The following TM9SF2 variants were observed in gnomAD, a reference collection of about 807,000 sequenced individuals.
TM9SF2 encodes 76 kDa membrane protein.
In TM9SF2, 13 loss-of-function variants were observed where a neutral mutation model predicts 84.9. The ratio of observed to expected loss-of-function variants is 0.15; its 90% confidence interval spans 0.10 to 0.24. TM9SF2 has a LOEUF of 0.24. Ranked by LOEUF, TM9SF2 falls within the 10% of genes least tolerant of loss-of-function variation. TM9SF2 has a pLI of 1.00. For missense variants in TM9SF2, 562 were observed against 818.5 expected, an observed-to-expected ratio of 0.69 and a Z score of 3.82; for synonymous variants, 273 against 285.8, an observed-to-expected ratio of 0.96 and a Z score of 0.45.
chr13:99,541,714 T>C (rs1225552552), intron 9 of TM9SF2, 47 bp downstream of exon 9: 1 of 1,279,068 alleles, frequency 7.8e-7, no homozygotes, highest in South Asian at 1.4e-5. Context: ...ACACTGTTTA[T>C]TGTTATTTTG....
Position 99,501,666 on chromosome 13 carries a change from G to T in TM9SF2, c.60G>T (p.Ser20=), listed in dbSNP as rs202124159. ...PPRWPRLLLL[S]LLLLGAVPGP... ...GGTGGCCGCGGCTGTTGCTGCTGTCGCTGCTCCTGCTGGGGGCGGTTCCTG... is the reference window on the plus strand; with the variant it reads ...GGTGGCCGCGGCTGTTGCTGCTGTCTCTGCTCCTGCTGGGGGCGGTTCCTG... The change falls in exon 1 of 17, where the codon TCG becomes TCT. Residue 20 remains serine, a synonymous_variant. Transcript: ENST00000376387. 4.3e-6 allele frequency: 7 copies of T among 1,613,060 alleles called. No individual in the cohort carries two copies. In the African/African-American group the frequency reaches 6.7e-5, roughly 15 times the overall value.
rs571980997 is a variant in TM9SF2, at chr13:99,552,764, C to A, written c.1488+438C>A. Among the ~76,000 whole-genome samples, 111 of 152,306 alleles carry A rather than the reference C, an allele frequency of 7.3e-4. 1 individual carries two copies. Among genetic ancestry groups the A allele is most frequent in the African/African-American group, 2.6e-3 (109 of 41,570 alleles). ...GATTACAGGCATGTGCCACCACACC[C>A]AGCTAATTTTTGTATTTTTAGTGGA... On this transcript the variant is annotated intron_variant, in intron 13 of 16. Transcript: ENST00000376387.
chr13:99,525,108 A>G (rs1393731325), intron 3 of TM9SF2, among the ~76,000 whole-genome samples: 1 of 152,190 alleles, frequency 6.6e-6, no homozygotes, highest in Admixed American at 6.5e-5. Context: ...GTGATAGAAT[A>G]GCCAGGTGGA....
intron 5 of TM9SF2, among the ~76,000 whole-genome samples, chr13:99,537,343 A>G (rs1479474970): frequency 6.6e-6 from 1 of 152,216 alleles, no homozygotes; most frequent in Non-Finnish European, 1.5e-5. Flanking sequence ...TGCTGACCAG[A>G]GATACTTGAA....
intron 5 of TM9SF2, among the ~76,000 whole-genome samples, 198 bp downstream of exon 5, chr13:99,536,935 C>A: frequency 6.6e-6 from 1 of 152,130 alleles, no homozygotes; most frequent in East Asian, 1.9e-4. Flanking sequence ...AATTCAGATT[C>A]AGTTCAACAT....
At chr13:99,536,530 A>G (rs1185266057) in intron 4 of TM9SF2, 78 bp from the exon 5 acceptor site, 3 of 1,521,428 alleles carry the variant, frequency 2.0e-6, no homozygotes, top group South Asian at 1.3e-5. Flanking sequence ...TTACAAAGTG[A>G]TGACACTGAT....
intron 10 of TM9SF2, 65 bp from the exon 11 acceptor site, chr13:99,546,920 C>T (rs914133738): frequency 6.3e-7 from 1 of 1,596,146 alleles, no homozygotes; most frequent in Non-Finnish European, 8.6e-7. Flanking sequence ...GAGGGTTTCT[C>T]TATCATTTCA....
At chr13:99,507,290 G>T (rs2046092809) in intron 1 of TM9SF2, among the ~76,000 whole-genome samples, 2 of 152,126 alleles carry the variant, frequency 1.3e-5, no homozygotes, top group Admixed American at 1.3e-4. Flanking sequence ...CCTTTCCCCT[G>T]GGGATCCCTG....
chr13:99,546,256 C>T (rs2046282118), intron 10 of TM9SF2, among the ~76,000 whole-genome samples: 1 of 152,172 alleles, frequency 6.6e-6, no homozygotes. Context: ...CCTCCTGAAA[C>T]TCAGTTCTCA....
chr13:99,517,807 A>C, intron 2 of TM9SF2, 126 bp downstream of exon 2: 1 of 483,486 alleles, frequency 2.1e-6, no homozygotes, highest in Non-Finnish European at 3.5e-6. Flanking sequence ...GTACTCTTCC[A>C]AGGTGTGGTT....
At chr13:99,535,925 C>T (rs1000457357) in intron 4 of TM9SF2, among the ~76,000 whole-genome samples, 1 of 152,076 alleles carries the variant, frequency 6.6e-6, no homozygotes, top group African/African-American at 2.4e-5. Context: ...AGATTTGGTT[C>T]GCTAGCTTTG....
chr13:99,533,055 C>T (rs565814052), intron 4 of TM9SF2, among the ~76,000 whole-genome samples: 25 of 152,278 alleles, frequency 1.6e-4, no homozygotes, highest in African/African-American at 6.0e-4. Context: ...AGAGATTTTA[C>T]TGTATAACTT....
intron 15 of TM9SF2, 101 bp from the exon 16 acceptor site, chr13:99,559,262 T>G: frequency 1.0e-6 from 1 of 971,642 alleles, no homozygotes. Context: ...GAAATTAGAT[T>G]GGGGGCTGTC....
intron 1 of TM9SF2, among the ~76,000 whole-genome samples, chr13:99,513,773 G>A (rs753334212): frequency 6.6e-6 from 1 of 152,226 alleles, no homozygotes; most frequent in Non-Finnish European, 1.5e-5. Flanking sequence ...TTAGGGATGA[G>A]TGAAAATTAC....
At chr13:99,550,277 C>T (rs965842236) in intron 12 of TM9SF2, among the ~76,000 whole-genome samples, 3 of 152,074 alleles carry the variant, frequency 2.0e-5, no homozygotes, top group African/African-American at 7.2e-5. Context: ...AACAAAATGC[C>T]TTGAAAAAAA....
At chr13:99,540,693 A>G in intron 7 of TM9SF2, 21 bp from the exon 8 acceptor site, 1 of 1,601,222 alleles carries the variant, frequency 6.2e-7, no homozygotes. Context: ...TTACTTAAAG[A>G]GATTTTTTAA....
chr13:99,501,504 C>T lies in TM9SF2; in HGVS notation c.-103C>T. The T allele has an allele frequency of 1.4e-6, 2 of 1,436,198 alleles. No individual in the cohort carries two copies. Among genetic ancestry groups the T allele is most frequent in the Non-Finnish European group, 1.9e-6 (2 of 1,070,428 alleles). The allele number at this position is 1,436,198 out of a possible 1,614,324, so 89.0% of individuals were successfully genotyped here. On this transcript the variant is annotated 5_prime_UTR_variant, in exon 1 of 17. Transcript: ENST00000376387. Reference sequence around the variant, plus strand: ...CCGGAACTAGCCTTCTGGGGGCCGGCTTCCTTTATCTCTGGCGGCCTTGTA... The same window carrying T: ...CCGGAACTAGCCTTCTGGGGGCCGGTTTCCTTTATCTCTGGCGGCCTTGTA...
intron 10 of TM9SF2, among the ~76,000 whole-genome samples, chr13:99,545,989 G>A (rs1367881828): frequency 6.6e-6 from 1 of 152,154 alleles, no homozygotes; most frequent in African/African-American, 2.4e-5. Context: ...GAATACGATG[G>A]GAATAATTTT....
intron 10 of TM9SF2, 145 bp from the exon 11 acceptor site, chr13:99,546,840 T>C (rs2139103713): frequency 9.0e-7 from 1 of 1,116,592 alleles, no homozygotes; most frequent in East Asian, 2.7e-5. Flanking sequence ...ACTAAGATTG[T>C]GTAGAGCTGC....
Sources: gnomAD v4.1 joint callset for allele counts (sites outside exome capture counted in the v4.1 genomes callset) on GRCh38, gnomAD v4.1.1 for gene constraint, MANE v1.5 for transcripts, NCBI Gene and HGNC (gene_info 2026-07-23, HGNC 2026-07-21) for gene names.